The following GCKR variants were observed in gnomAD, a reference collection of about 807,000 sequenced individuals.
The protein encoded by GCKR is glucokinase regulatory protein.
In GCKR, 73 loss-of-function variants were observed where a neutral mutation model predicts 82.9. The observed-to-expected ratio is 0.88, with a 90% CI of 0.73 to 1.07. The LOEUF is 1.07. GCKR is among the 50% of genes least tolerant of loss of function. The pLI, the probability that GCKR is intolerant of heterozygous loss-of-function variation, is 0.00. For synonymous variants in GCKR, 294 were observed against 291.8 expected, an observed-to-expected ratio of 1.01 and a Z score of -0.08; for missense variants, 784 against 782.1, an observed-to-expected ratio of 1.00 and a Z score of -0.03.
intron 16 of GCKR, among the ~76,000 whole-genome samples, chr2:27,513,909 T>TTGTGTGTGTGTGTG (rs57848910): frequency 6.9e-6 from 1 of 144,676 alleles, no homozygotes; most frequent in Admixed American, 7.1e-5. Flanking sequence ...TTATTTGCAT[T>TTGTGTGTGTGTGTG]TGTGTGTGTG....
At chr2:27,506,982 C>A in intron 12 of GCKR, 97 bp downstream of exon 12, 2 of 844,008 alleles carry the variant, frequency 2.4e-6, no homozygotes, top group Non-Finnish European at 4.2e-6. Flanking sequence ...CATGGGTGTT[C>A]CTCAGTGTCC....
intron 16 of GCKR, among the ~76,000 whole-genome samples, chr2:27,512,330 G>A (rs1483086400): frequency 2.0e-5 from 3 of 149,904 alleles, no homozygotes; most frequent in Non-Finnish European, 3.0e-5. Context: ...AAGGTCAAGA[G>A]TTCAAGACCA....
At chr2:27,497,427 G>A (rs1002301577) in intron 2 of GCKR, 28 bp downstream of exon 2, 2 of 1,613,668 alleles carry the variant, frequency 1.2e-6, no homozygotes, top group Non-Finnish European at 1.7e-6. Flanking sequence ...CCTGGACCCT[G>A]GAAATAAACA....
In GCKR at chr2:27,498,464, A is replaced by C. The variant is rs143027483; in HGVS notation, c.354+141A>C. ...AAGCCTGGCTCTTTCTCTCTTCCAA[A>C]AGCTAGATGTCACCATGAAGTCCCA... On this transcript the variant is annotated intron_variant, in intron 4 of 18. Coordinates refer to ENST00000264717, the MANE Select transcript of GCKR (RefSeq NM_001486.4). 1,550 of 692,316 alleles carry C rather than the reference A, an allele frequency of 2.2e-3. 5 individuals carry two copies. Among genetic ancestry groups the C allele is most frequent in the Non-Finnish European group, 3.2e-3 (1,237 of 392,224 alleles). 42.9% of individuals were successfully genotyped at this position (692,316 alleles called of 1,614,324 possible). A position where few individuals can be genotyped will look rare whatever the true frequency, so the allele number is the denominator to read the frequency against.
rs371436300 is a variant in GCKR at position 27,497,573 on chromosome 2, C to T, written c.228C>T (p.Ser76=). The change falls in exon 3 of 19, where the codon AGC becomes AGT. Residue 76 remains serine (S), a synonymous_variant. Coordinates refer to ENST00000264717, the MANE Select transcript of GCKR (RefSeq NM_001486.4). ...CATATTCCCTACAGAGACTCTACAG[C>T]GAATCCATTCTGACCACCATGGTAC... ...QALSTYQRLY[S]ESILTTMVQV... 46 of 1,611,440 alleles carry T rather than the reference C, an allele frequency of 2.9e-5. No homozygotes were observed. The highest frequency in any genetic ancestry group is 1.7e-4 in the Middle Eastern group (1 of 6,052).
rs750293563 is a variant in GCKR, at chr2:27,506,830, C to A, written c.1011C>A (p.Thr337=). 1.2e-6 allele frequency: 2 copies of A among 1,613,684 alleles called. No individual in the cohort carries two copies. Among genetic ancestry groups the A allele is most frequent in the African/African-American group, 2.7e-5 (2 of 74,992 alleles). The change falls in exon 12 of 19, where the codon ACC becomes ACA. Residue 337 remains threonine (T), a synonymous_variant. Transcript: ENST00000264717. ...ACGTGTACCTGGTTGGCTGGCAGAC[C>A]CTGGGCATCATTGCCATCATGGATG... The part of the protein sequence containing the change: ...KGHVYLVGWQ[T]LGIIAIMDGV...
chr2:27,523,402 C>T lies in GCKR; in HGVS notation c.1841C>T (p.Ala614Val), dbSNP rs773536930. 42 of 1,610,198 alleles carry T rather than the reference C, an allele frequency of 2.6e-5. No homozygotes were observed. Among genetic ancestry groups the T allele is most frequent in the South Asian group, 1.1e-4 (10 of 91,072 alleles). The change falls in exon 19 of 19, where the codon GCG becomes GTG. Residue 614 changes from alanine (A) to valine (V), a missense_variant. By Grantham distance (64) the Ala-to-Val change is moderately conservative. Coordinates refer to ENST00000264717, the MANE Select transcript of GCKR (RefSeq NM_001486.4). ...GCTGGGCCAGGTCAGAAGCGCACTGCGGACCCCCTCGAGATCCTAGAGCCT... is the reference window on the plus strand; with the variant it reads ...GCTGGGCCAGGTCAGAAGCGCACTGTGGACCCCCTCGAGATCCTAGAGCCT... ...ALAGPGQKRT[A>V]DPLEILEPDV...
At chr2:27,498,902 C>A in intron 5 of GCKR, 105 bp downstream of exon 5, 1 of 777,062 alleles carries the variant, frequency 1.3e-6, no homozygotes, top group Non-Finnish European at 2.3e-6. Context: ...TTGTCTTAGT[C>A]CTCACCATTC....
rs1010328658 is a variant in GCKR, at chr2:27,497,383, C to A, written c.200C>A (p.Ala67Asp). The A allele has an allele frequency of 1.2e-6, 2 of 1,613,958 alleles. No individual in the cohort carries two copies. Among genetic ancestry groups the A allele is most frequent in the Non-Finnish European group, 1.7e-6 (2 of 1,180,040 alleles). Residue 67 changes from alanine (A) to aspartate (D), a missense_variant, in exon 2 of 19, where the codon GCC becomes GAC. By Grantham distance (126) the Ala-to-Asp change is moderately radical (BLOSUM62 -2). Coordinates refer to ENST00000264717, the MANE Select transcript of GCKR (RefSeq NM_001486.4). Reference protein sequence around the residue: ...DAEIFQEEGQALSTYQRLYSE... With the variant: ...DAEIFQEEGQDLSTYQRLYSE... The stretch of plus-strand genomic sequence containing the variant: ...GAGATCTTCCAGGAGGAGGGGCAAG[C>A]CCTGTCCACATACCAGGTAACCAAG...
intron 10 of GCKR, among the ~76,000 whole-genome samples, chr2:27,506,270 G>C (rs1459617565): frequency 6.6e-6 from 1 of 152,208 alleles, no homozygotes; most frequent in Admixed American, 6.5e-5. Context: ...TGCTGCACTC[G>C]TCCCTCTTTC....
chr2:27,503,638 C>G lies in GCKR; in HGVS notation c.750+19C>G. On this transcript the variant is annotated intron_variant, in intron 9 of 18. Coordinates refer to ENST00000264717, the MANE Select transcript of GCKR (RefSeq NM_001486.4). ...CATCGGGGTAGGGCCTCTCCTTTTT[C>G]TATGTTCTCCACCCCTCCAACACCT... 7.7e-7 allele frequency: 1 copy of G among 1,297,662 alleles called. No homozygotes were observed. Among genetic ancestry groups the G allele is most frequent in the Non-Finnish European group, 1.1e-6 (1 of 891,400 alleles). 80.4% of individuals were successfully genotyped at this position (1,297,662 alleles called of 1,614,324 possible).
rs1669994702 is a variant in GCKR, at chr2:27,515,940, A to AAT, written c.1423-2848_1423-2847insAT. Among the ~76,000 whole-genome samples the AAT allele has an allele frequency of 9.1e-5, 12 of 131,978 alleles. No individual in the cohort carries two copies. In the South Asian group the frequency reaches 2.9e-3, roughly 32 times the overall value. The allele number at this position is 131,978 out of a possible 152,430, so 86.6% of individuals were successfully genotyped here. On this transcript the variant is annotated intron_variant, in intron 16 of 18. Coordinates refer to ENST00000264717, the MANE Select transcript of GCKR (RefSeq NM_001486.4). ...CACCATGCCTGGCTAATTAAACAAA[A>AAT]TTTTTTTTTTTTTTTTTGTAGAGAC...
intron 8 of GCKR, 29 bp from the exon 9 acceptor site, chr2:27,503,485 T>A (rs1558435419): frequency 8.5e-7 from 1 of 1,174,222 alleles, no homozygotes; most frequent in East Asian, 2.3e-5. Context: ...ATAGACAATC[T>A]CCCCACCTTG....
At chr2:27,511,223 T>G (rs1213497567) in intron 16 of GCKR, among the ~76,000 whole-genome samples, 5 of 151,824 alleles carry the variant, frequency 3.3e-5, no homozygotes, top group Non-Finnish European at 7.4e-5. Context: ...AGACAGGGTT[T>G]CACCATGTTG....
chr2:27,517,779 AC>A (rs1332304015), intron 16 of GCKR, among the ~76,000 whole-genome samples: 1 of 152,294 alleles, frequency 6.6e-6, no homozygotes, highest in African/African-American at 2.4e-5. Flanking sequence ...TCGCGATACC[AC>A]ATGTTTGAAC....
In GCKR at chr2:27,523,479, C is replaced by G; in HGVS notation, c.*40C>G. The stretch of plus-strand genomic sequence containing the variant: ...GTGGGTGAAAGGGGCCCAACCCTGC[C>G]CACTTCAGCCCAGCCCGCCCAAGGG... On this transcript the variant is annotated 3_prime_UTR_variant, in exon 19 of 19. Transcript: ENST00000264717. The G allele has an allele frequency of 5.7e-6, 9 of 1,586,678 alleles. No individual in the cohort carries two copies. Among genetic ancestry groups the G allele is most frequent in the Non-Finnish European group, 7.7e-6 (9 of 1,167,964 alleles).
intron 3 of GCKR, 29 bp from the exon 4 acceptor site, chr2:27,498,226 T>G (rs376842854): frequency 1.4e-5 from 21 of 1,550,008 alleles, no homozygotes; most frequent in Non-Finnish European, 1.9e-5. Flanking sequence ...AGCCAGGCCC[T>G]GGTAATATAT....
At chr2:27,505,927 G>C in intron 10 of GCKR, 91 bp downstream of exon 10, 1 of 800,548 alleles carries the variant, frequency 1.2e-6, no homozygotes, top group East Asian at 2.5e-5. Flanking sequence ...CAAGGACTGG[G>C]CTGGTGGCAG....
rs1186502811 is a variant in GCKR, at chr2:27,498,291, G to A, written c.322G>A (p.Gly108Ser). The stretch of plus-strand genomic sequence containing the variant: ...GGGGCTGGTTGTGCTGAGTGGAGGG[G>A]GCACCTCTGGCCGGATGGCATTCCT... The part of the protein sequence containing the change: ...DGGLVVLSGG[G>S]TSGRMAFLMS... Residue 108 changes from glycine to serine, a missense_variant, in exon 4 of 19, where the codon GGC (glycine) becomes AGC (serine). Coordinates refer to ENST00000264717, the MANE Select transcript of GCKR (RefSeq NM_001486.4). The A allele has an allele frequency of 1.9e-6, 3 of 1,613,662 alleles. No homozygotes were observed. Among genetic ancestry groups the A allele is most frequent in the Non-Finnish European group, 2.5e-6 (3 of 1,179,764 alleles).
Sources: gnomAD v4.1 joint callset for allele counts (sites outside exome capture counted in the v4.1 genomes callset) on GRCh38, gnomAD v4.1.1 for gene constraint, MANE v1.5 for transcripts, NCBI Gene and HGNC (gene_info 2026-07-23, HGNC 2026-07-21) for gene names.